The following PAH variants were observed in gnomAD, a reference collection of about 807,000 sequenced individuals.
PAH encodes phenylalanine hydroxylase, also known as phenylalanine-4-hydroxylase.
PAH carries 64 observed loss-of-function variants against 62.0 expected under a neutral mutation model. That is an observed-to-expected ratio of 1.03 (90% confidence interval 0.84 to 1.27). The LOEUF is 1.27. Ranked by LOEUF, PAH falls within the 50% of genes most tolerant of loss-of-function variation. The pLI, the probability that PAH is intolerant of heterozygous loss-of-function variation, is 0.00. For missense variants in PAH, 579 were observed against 542.8 expected (o/e 1.07, Z -0.66); for synonymous variants, 195 against 196.2 (o/e 0.99, Z 0.05).
chr12:102,870,055 T>G (rs1876229270), intron 4 of PAH, among the ~76,000 whole-genome samples: 1 of 152,066 alleles, frequency 6.6e-6, no homozygotes, highest in Admixed American at 6.6e-5. Context: ...GGGGAGGGGA[T>G]AGAAGACGGG....
At chr12:102,840,166 G>A (rs186785272) in intron 12 of PAH, among the ~76,000 whole-genome samples, 11 of 152,270 alleles carry the variant, frequency 7.2e-5, no homozygotes, top group African/African-American at 2.6e-4. Context: ...AAGGTGGAAT[G>A]ATGGTAGGAG....
chr12:102,843,727 GCTGTCTT>G lies in PAH; in HGVS notation c.1111_1117del (p.Lys371ProfsTer27). ...CTCCGTGACAGTGTAATTTTGGATG[GCTGTCTT>G]CTCCAGCTCCAGGGGGAGAAGCTTT... On this transcript the variant is annotated frameshift_variant, in exon 11 of 13. Coordinates refer to ENST00000553106, the MANE Select transcript of PAH (RefSeq NM_000277.3). LOFTEE classifies it high-confidence loss of function. 2 of 1,613,486 alleles carry G rather than the reference GCTGTCTT, an allele frequency of 1.2e-6. No individual in the cohort carries two copies. Among genetic ancestry groups the G allele is most frequent in the Non-Finnish European group, 1.7e-6 (2 of 1,179,540 alleles).
intron 3 of PAH, among the ~76,000 whole-genome samples, chr12:102,883,126 T>A (rs1021125219): frequency 6.6e-6 from 1 of 152,200 alleles, no homozygotes; most frequent in Non-Finnish European, 1.5e-5. Context: ...GCAAACCCTT[T>A]TGAGTTTCAT....
intron 1 of PAH, among the ~76,000 whole-genome samples, chr12:102,937,468 C>G (rs1300611775): frequency 6.6e-6 from 1 of 152,098 alleles, no homozygotes; most frequent in African/African-American, 2.4e-5. Flanking sequence ...CACATAATAT[C>G]TTATAACCTA....
upstream of PAH, among the ~76,000 whole-genome samples, chr12:102,951,345 G>A (rs377113525): frequency 6.6e-6 from 1 of 152,150 alleles, no homozygotes; most frequent in African/African-American, 2.4e-5. Flanking sequence ...GTACTGTTCT[G>A]AGGGTCAACG....
chr12:102,875,926 C>CAT (rs36134134), intron 4 of PAH, among the ~76,000 whole-genome samples: 31,257 of 126,758 alleles, frequency 0.25, 3,809 homozygotes, highest in Admixed American at 0.41. Flanking sequence ...ATATATACAC[C>CAT]ATATATATAT....
chr12:102,849,763 A>G (rs1467558502), intron 8 of PAH, among the ~76,000 whole-genome samples: 1 of 152,236 alleles, frequency 6.6e-6, no homozygotes, highest in Admixed American at 6.5e-5. Flanking sequence ...TTGTGAGCCT[A>G]GAGTTTGCCT....
chr12:102,863,747 T>A (rs146267079), intron 5 of PAH, among the ~76,000 whole-genome samples: 1 of 152,326 alleles, frequency 6.6e-6, no homozygotes, highest in Non-Finnish European at 1.5e-5. Flanking sequence ...TGGACCTGCC[T>A]GAGCCTAAAC....
upstream of PAH, among the ~76,000 whole-genome samples, chr12:102,954,059 C>T (rs997374114): frequency 6.6e-6 from 1 of 152,162 alleles, no homozygotes; most frequent in Non-Finnish European, 1.5e-5. Flanking sequence ...GTGTCTTAGC[C>T]AACTAAAGCC....
intron 2 of PAH, among the ~76,000 whole-genome samples, chr12:102,895,869 A>AAAAAAAAAAAATATATATAT (rs953209518): frequency 8.4e-6 from 1 of 118,744 alleles, no homozygotes; most frequent in African/African-American, 3.6e-5. Flanking sequence ...AAAAAAAAAA[A>AAAAAAAAAAAATATATATAT]ATATATATAT....
At chr12:102,911,057 A>G (rs1878184993) in intron 2 of PAH, among the ~76,000 whole-genome samples, 1 of 152,114 alleles carries the variant, frequency 6.6e-6, no homozygotes, top group Non-Finnish European at 1.5e-5. Flanking sequence ...ATAGCTCATC[A>G]CTGTGGGTTG....
At chr12:102,858,608 A>T (rs1021150892) in intron 5 of PAH, among the ~76,000 whole-genome samples, 3 of 152,208 alleles carry the variant, frequency 2.0e-5, no homozygotes, top group African/African-American at 4.8e-5. Context: ...AAGAACAGAA[A>T]ATATAACAAA....
chr12:102,894,725 T>C lies in PAH; in HGVS notation c.352+10A>G, dbSNP rs559561517. On this transcript the variant is annotated intron_variant, in intron 3 of 12. Coordinates refer to ENST00000553106, the MANE Select transcript of PAH (RefSeq NM_000277.3). ...AGTTACTTATGTTGCAAAATTCCTC[T>C]AATTCTTACCTGTGTCTTTCTTCTT... 10 of 1,612,612 alleles carry C rather than the reference T, an allele frequency of 6.2e-6. No individual in the cohort carries two copies. Among genetic ancestry groups the C allele is most frequent in the African/African-American group, 1.3e-5 (1 of 74,922 alleles).
intron 5 of PAH, among the ~76,000 whole-genome samples, chr12:102,856,384 C>T (rs958509489): frequency 2.0e-5 from 3 of 152,208 alleles, no homozygotes; most frequent in African/African-American, 7.2e-5. Context: ...GCCTGCCTGC[C>T]TCTGTAGACT....
chr12:102,877,231 A>G (rs1876605270), intron 4 of PAH: 2 of 575,872 alleles, frequency 3.5e-6, no homozygotes, highest in South Asian at 3.8e-5. Context: ...TATAGAGACA[A>G]TAGTTTCTGG....
intron 2 of PAH, among the ~76,000 whole-genome samples, chr12:102,909,102 ACAGACGTGAGCCACCGTGCCTGGCC>A (rs1218218285): frequency 2.0e-5 from 3 of 152,130 alleles, no homozygotes; most frequent in Non-Finnish European, 4.4e-5. Flanking sequence ...TGCTGGGATT[ACAGACGTGAGCCACCGTGCCTGGCC>A]CTAGTCTTCA....
chr12:102,924,779 CCTGGATCTACT>C (rs1402887846), intron 1 of PAH, among the ~76,000 whole-genome samples: 10 of 152,176 alleles, frequency 6.6e-5, no homozygotes, highest in African/African-American at 2.4e-4. Flanking sequence ...TCAGCATACA[CCTGGATCTACT>C]CTGCATTACC....
At chr12:102,917,551 G>C (rs886761409), upstream of PAH, 2 of 279,516 alleles carry the variant, frequency 7.2e-6, no homozygotes, top group Non-Finnish European at 1.4e-5. Context: ...CTAAGCCTGC[G>C]ACCGTCTGGT....
At chr12:102,941,737 A>C (rs1179671998) in intron 1 of PAH, among the ~76,000 whole-genome samples, 1 of 152,200 alleles carries the variant, frequency 6.6e-6, no homozygotes, top group African/African-American at 2.4e-5. Context: ...CACAGTGATC[A>C]AGTAGACTAT....
Sources: gnomAD v4.1 joint callset for allele counts (sites outside exome capture counted in the v4.1 genomes callset) on GRCh38, gnomAD v4.1.1 for gene constraint, MANE v1.5 for transcripts, NCBI Gene and HGNC (gene_info 2026-07-23, HGNC 2026-07-21) for gene names.